Variants in JADE2 observed in about 807,000 individuals in gnomAD.
The protein encoded by JADE2 is jade family PHD finger 2, also known as E3 ubiquitin-protein ligase Jade-2.
A neutral mutation model predicts 85.7 loss-of-function variants in JADE2; 13 were observed. That is an observed-to-expected ratio of 0.15 (90% CI 0.10 to 0.24). The LOEUF is 0.24. Ranked by LOEUF, JADE2 falls within the 10% of genes least tolerant of loss-of-function variation. The probability of loss-of-function intolerance (pLI) is 1.00; values close to 1 mark genes in which losing one functional copy is unlikely to be tolerated. For synonymous variants in JADE2, 440 were observed against 456.1 expected (o/e 0.96, Z 0.45); for missense variants, 846 against 1,115.9 (o/e 0.76, Z 3.45).
chr5:134,578,561 G>C lies in JADE2; in HGVS notation c.1749G>C (p.Gln583His). ...FFNSWLAQSV[Q>H]ITAENMAMSE... ...ACAGCTGGCTGGCACAGTCGGTGCA[G>C]ATCACAGCAGAGAACATGGCCATGA... The change falls in exon 12 of 12, where the codon CAG becomes CAC. Residue 583 changes from glutamine (Q) to histidine (H), a missense_variant. Around this residue, in one of 9 missense-constraint regions of JADE2, gnomAD observed 119 missense variants for 163.9 expected, o/e 0.73. Coordinates refer to ENST00000681547, the MANE Select transcript of JADE2 (RefSeq NM_001388185.1). The surrounding 1 kb of genome is among the most constrained non-coding windows in gnomAD (Gnocchi z 4.4). 1 of 1,613,208 alleles carries C rather than the reference G, an allele frequency of 6.2e-7. No homozygotes were observed. Among genetic ancestry groups the C allele is most frequent in the Non-Finnish European group, 8.5e-7 (1 of 1,179,306 alleles).
chr5:134,540,230 TACTTTTGAGACAAGGTCTC>T (rs2149891046), intron 3 of JADE2, among the ~76,000 whole-genome samples: 1 of 152,042 alleles, frequency 6.6e-6, no homozygotes. Context: ...TTTTCCTTTT[TACTTTTGAGACAAGGTCTC>T]CCTCTGTCAC....
At position 134,564,478 on chromosome 5, in the gene JADE2, C is replaced by A. The variant is rs749036785; in HGVS notation, c.853-16C>A. The stretch of plus-strand genomic sequence containing the variant: ...GGGGATGAGAGGAATGATGCAGCCC[C>A]CTGTGTCCTGCCCAGGTCAGCATCG... On this transcript the variant is annotated splice_polypyrimidine_tract_variant and intron_variant, in intron 7 of 11. Coordinates refer to ENST00000681547, the MANE Select transcript of JADE2 (RefSeq NM_001388185.1). 1.3e-6 allele frequency: 2 copies of A among 1,549,326 alleles called. No individual in the cohort carries two copies. The highest frequency in any genetic ancestry group is 1.4e-5 in the African/African-American group (1 of 73,688).
At chr5:134,541,239 G>T (rs1175114766) in intron 3 of JADE2, among the ~76,000 whole-genome samples, 1 of 152,240 alleles carries the variant, frequency 6.6e-6, no homozygotes, top group East Asian at 1.9e-4. Flanking sequence ...CAGCCTGAGA[G>T]GTTTTCCTAG....
At position 134,576,872 on chromosome 5, in the gene JADE2, C is replaced by A. The variant is rs1764399636; in HGVS notation, c.1657C>A (p.Pro553Thr). The A allele has an allele frequency of 7.1e-6, 11 of 1,547,028 alleles. No individual in the cohort carries two copies. Among genetic ancestry groups the A allele is most frequent in the Non-Finnish European group, 9.6e-6 (11 of 1,145,218 alleles). Reference protein sequence around the residue: ...TEKKEKVKAGPDSVLGQLAGL... With the variant: ...TEKKEKVKAGTDSVLGQLAGL... ...GAAGAAAGAGAAAGTGAAGGCGGGGCCTGACTCAGTCCTGGGGCAGCTGGG... is the reference window on the plus strand; with the variant it reads ...GAAGAAAGAGAAAGTGAAGGCGGGGACTGACTCAGTCCTGGGGCAGCTGGG... Residue 553 changes from proline to threonine, a missense_variant, in exon 11 of 12, where the codon CCT becomes ACT. Around this residue, in one of 9 missense-constraint regions of JADE2, gnomAD observed 119 missense variants for 163.9 expected, o/e 0.73. Transcript: ENST00000681547.
chr5:134,524,731 T>G (rs946256207), upstream of JADE2, among the ~76,000 whole-genome samples: 2 of 152,132 alleles, frequency 1.3e-5, no homozygotes, highest in East Asian at 3.9e-4. Flanking sequence ...ACGAGCCCAA[T>G]GGGGACCCTC....
In JADE2 at chr5:134,559,901, A is replaced by G; in HGVS notation, c.383A>G (p.Gln128Arg). 6.2e-7 allele frequency: 1 copy of G among 1,614,046 alleles called. No homozygotes were observed. Among genetic ancestry groups the G allele is most frequent in the Non-Finnish European group, 8.5e-7 (1 of 1,179,952 alleles). The change falls in exon 5 of 12, where the codon CAG (glutamine) becomes CGG (arginine). Residue 128 changes from glutamine to arginine, a missense_variant. Gln to Arg is a conservative substitution (Grantham distance 43, BLOSUM62 1). This residue lies in a region of JADE2 where 78 missense variants were observed against 64.9 expected (regional missense o/e 1.20). Coordinates refer to ENST00000681547, the MANE Select transcript of JADE2 (RefSeq NM_001388185.1). Reference protein sequence around the residue: ...PSSTMLGEGSQPDWPGGSRYD... With the variant: ...PSSTMLGEGSRPDWPGGSRYD... ...AGCACCATGCTTGGTGAGGGCTCCC[A>G]GCCTGATTGGCCAGGGGGCAGCCGC...
chr5:134,563,536 A>G (rs1308997141), intron 7 of JADE2, among the ~76,000 whole-genome samples: 2 of 152,236 alleles, frequency 1.3e-5, no homozygotes, highest in East Asian at 3.9e-4. Flanking sequence ...GAAATGCACC[A>G]GAGTTTCAGC....
chr5:134,560,905 A>C lies in JADE2; in HGVS notation c.632A>C (p.Glu211Ala). 1 of 1,614,174 alleles carries C rather than the reference A, an allele frequency of 6.2e-7. No homozygotes were observed. The highest frequency in any genetic ancestry group is 8.5e-7 in the Non-Finnish European group (1 of 1,180,012). ...VCDVCRSPEG[E>A]DGNEMVFCDK... ...GACGTGTGTCGCTCTCCTGAGGGCG[A>C]GGATGGCAACGAGATGGTCTTCTGT... The change falls in exon 6 of 12, where the codon GAG (glutamate) becomes GCG (alanine). Residue 211 changes from glutamate to alanine, a missense_variant. By Grantham distance (107) the Glu-to-Ala change is moderately radical. Around this residue, in one of 9 missense-constraint regions of JADE2, gnomAD observed 129 missense variants for 255.4 expected, o/e 0.51. Coordinates refer to ENST00000681547, the MANE Select transcript of JADE2 (RefSeq NM_001388185.1).
At chr5:134,544,561 A>C (rs1350569413) in intron 3 of JADE2, 2 of 166,190 alleles carry the variant, frequency 1.2e-5, no homozygotes, top group Non-Finnish European at 2.9e-5. Context: ...GGAGGTGGGG[A>C]GTGTCGGGTA....
chr5:134,570,739 C>T (rs964222398), intron 9 of JADE2, among the ~76,000 whole-genome samples: 1 of 152,188 alleles, frequency 6.6e-6, no homozygotes, highest in Non-Finnish European at 1.5e-5. Flanking sequence ...GTTTACCCCC[C>T]TCCCTCTCTG....
chr5:134,570,922 G>A (rs997038242), intron 9 of JADE2, among the ~76,000 whole-genome samples: 27 of 152,216 alleles, frequency 1.8e-4, no homozygotes, highest in African/African-American at 4.8e-4. Context: ...AAAGGCCACC[G>A]GCATCTCATG....
intron 10 of JADE2, chr5:134,575,111 A>C (rs1764272439): frequency 6.6e-6 from 1 of 152,294 alleles, no homozygotes; most frequent in African/African-American, 2.4e-5. Flanking sequence ...CCACATCCCC[A>C]CATTGGTTCT....
Position 134,578,938 on chromosome 5 carries a change from C to A in JADE2, c.2126C>A (p.Pro709His), listed in dbSNP as rs764233285. Reference sequence around the variant, plus strand: ...TCCAGCCCTGCAGCCGGGGACTGTCCCATCCTAGCCACCCCTGAAAGCCCC... The same window carrying A: ...TCCAGCCCTGCAGCCGGGGACTGTCACATCCTAGCCACCCCTGAAAGCCCC... The part of the protein sequence containing the change: ...LPSSPAAGDC[P>H]ILATPESPPP... The change falls in exon 12 of 12, where the codon CCC becomes CAC. Residue 709 changes from proline (P) to histidine (H), a missense_variant. This residue lies in a region of JADE2 where 300 missense variants were observed against 300.7 expected (regional missense o/e 1.00). Transcript: ENST00000681547. This position sits in a 1 kb window ranked among gnomAD's most constrained non-coding sequence, Gnocchi z 4.4. The A allele has an allele frequency of 2.5e-6, 4 of 1,613,626 alleles. No homozygotes were observed. The South Asian group carries it at 4.4e-5, about 18-fold the overall frequency.
upstream of JADE2, among the ~76,000 whole-genome samples, chr5:134,524,730 A>G (rs1009693616): frequency 4.6e-5 from 7 of 152,106 alleles, no homozygotes; most frequent in Admixed American, 1.3e-4. Flanking sequence ...GACGAGCCCA[A>G]TGGGGACCCT....
At chr5:134,563,075 T>C (rs1304645661) in intron 7 of JADE2, among the ~76,000 whole-genome samples, 4 of 151,674 alleles carry the variant, frequency 2.6e-5, no homozygotes, top group African/African-American at 9.7e-5. Flanking sequence ...GAGAATCGGG[T>C]GGGAGGCCGA....
At chr5:134,536,069 C>G (rs1177356935) in intron 2 of JADE2, among the ~76,000 whole-genome samples, 154 bp downstream of exon 2, 3 of 152,132 alleles carry the variant, frequency 2.0e-5, no homozygotes, top group Non-Finnish European at 4.4e-5. Flanking sequence ...CCACTCCTGC[C>G]CTTCCACTTC....
In JADE2 at chr5:134,562,064, G is replaced by C. The variant is rs1226724915; in HGVS notation, c.685-136G>C. The C allele has an allele frequency of 4.7e-6, 4 of 856,038 alleles. No individual in the cohort carries two copies. The highest frequency in any genetic ancestry group is 2.7e-5 in the Admixed American group (1 of 36,920). The allele number at this position is 856,038 out of a possible 1,614,324, so 53.0% of individuals were successfully genotyped here. On this transcript the variant is annotated intron_variant, in intron 6 of 11. Transcript: ENST00000681547. This position sits in a 1 kb window ranked among gnomAD's most constrained non-coding sequence, Gnocchi z 4.6. ...TCCTTCCTTGCATTGTAACTCCTCA[G>C]AAGTTGTACGTGCCAGAGATGGGAG... is the stretch of plus-strand genomic sequence containing the variant.
At chr5:134,545,931 G>A (rs149495052) in intron 3 of JADE2, among the ~76,000 whole-genome samples, 341 of 152,276 alleles carry the variant, frequency 2.2e-3, no homozygotes, top group African/African-American at 7.7e-3. Flanking sequence ...GGTGTAGACA[G>A]ATGTCCAGGA....
rs138139989 is a variant in JADE2 at position 134,561,957 on chromosome 5, C to G, written c.685-243C>G. Among the ~76,000 whole-genome samples, 7 of 152,276 alleles carry G rather than the reference C, an allele frequency of 4.6e-5. No homozygotes were observed. In the East Asian group the frequency reaches 1.4e-3, roughly 29 times the overall value. On this transcript the variant is annotated intron_variant, in intron 6 of 11. Transcript: ENST00000681547. ...ACTCTCCTCCCAGCAGAGGGCAGAC[C>G]TGAACCCGTTCACAGAGGACTGAAA...
Sources: allele counts gnomAD v4.1 joint callset (sites outside exome capture counted in the v4.1 genomes callset), GRCh38; gene constraint gnomAD v4.1.1; regional missense constraint gnomAD v4.1.1; non-coding constraint Gnocchi (gnomAD v3.1); transcripts MANE v1.5; gene names NCBI Gene and HGNC (gene_info 2026-07-23, HGNC 2026-07-21).